Variants in SCHIP1 observed in about 807,000 individuals in gnomAD.
SCHIP1 encodes schwannomin interacting protein 1, also known as schwannomin-interacting protein 1.
SCHIP1 carries 8 observed loss-of-function variants against 29.7 expected under a neutral mutation model. The observed-to-expected ratio is 0.27, with a 90% CI of 0.16 to 0.49. SCHIP1 has a LOEUF of 0.49. Among genes scored for constraint, SCHIP1 ranks in the 20% least tolerant of loss-of-function variants. The probability of loss-of-function intolerance (pLI) is 0.99; values close to 1 mark genes in which losing one functional copy is unlikely to be tolerated. For synonymous variants in SCHIP1, 76 were observed against 94.9 expected (o/e 0.80, Z 1.16); for missense variants, 193 against 294.6 (o/e 0.66, Z 2.52).
the SCHIP1 span, among the ~76,000 whole-genome samples, chr3:159,442,355 C>A: frequency 1.1e-4 from 17 of 152,262 alleles, no homozygotes; most frequent in African/African-American, 4.1e-4. Context: ...CAGGAAGAGT[C>A]TGGTCAGGAT....
chr3:159,641,186 T>C, the SCHIP1 span, among the ~76,000 whole-genome samples: 1 of 152,100 alleles, frequency 6.6e-6, no homozygotes, highest in East Asian at 1.9e-4. Context: ...TAAAATGAAG[T>C]TCTTGTTTGG....
chr3:159,754,047 T>A, the SCHIP1 span, among the ~76,000 whole-genome samples: 276 of 144,808 alleles, frequency 1.9e-3, 3 homozygotes, highest in African/African-American at 6.4e-3. Flanking sequence ...CTGGAATGTC[T>A]GTTCCTCCAC....
At chr3:159,349,939 T>C in the SCHIP1 span, among the ~76,000 whole-genome samples, 21 of 152,286 alleles carry the variant, frequency 1.4e-4, no homozygotes, top group East Asian at 3.3e-3. Context: ...CCACCTTACC[T>C]CTTCAACTCT....
the SCHIP1 span, among the ~76,000 whole-genome samples, chr3:159,433,175 T>A: frequency 1.1e-4 from 16 of 152,200 alleles, no homozygotes; most frequent in Non-Finnish European, 1.8e-4. Context: ...TGAAAAAGCA[T>A]ATCTGGCACA....
At chr3:159,821,897 C>A in the SCHIP1 span, among the ~76,000 whole-genome samples, 1 of 152,178 alleles carries the variant, frequency 6.6e-6, no homozygotes. Flanking sequence ...ATCTGATCAC[C>A]AAGCCAGCTA....
chr3:159,543,102 CAT>C, the SCHIP1 span, among the ~76,000 whole-genome samples: 8 of 110,930 alleles, frequency 7.2e-5, no homozygotes, highest in South Asian at 2.4e-3. Flanking sequence ...TAAATACAGA[CAT>C]ATATACATGT....
At chr3:159,459,583 G>C in the SCHIP1 span, among the ~76,000 whole-genome samples, 2 of 152,062 alleles carry the variant, frequency 1.3e-5, no homozygotes, top group East Asian at 3.9e-4. Flanking sequence ...TGATGCGGCT[G>C]TATCAGACAG....
At chr3:159,288,788 A>G in the SCHIP1 span, among the ~76,000 whole-genome samples, 1 of 152,246 alleles carries the variant, frequency 6.6e-6, no homozygotes, top group East Asian at 1.9e-4. Flanking sequence ...CAGCTCATGA[A>G]TGAAGCAACC....
the SCHIP1 span, among the ~76,000 whole-genome samples, chr3:159,504,697 T>C: frequency 2.6e-5 from 4 of 152,228 alleles, no homozygotes; most frequent in Admixed American, 1.3e-4. Context: ...AGGACTAGCT[T>C]TATGTAGAGA....
the SCHIP1 span, among the ~76,000 whole-genome samples, chr3:159,592,426 G>T: frequency 1.3e-5 from 2 of 151,892 alleles, no homozygotes; most frequent in East Asian, 3.9e-4. Flanking sequence ...ACACCATAAG[G>T]CCTTTTCACA....
the SCHIP1 span, among the ~76,000 whole-genome samples, chr3:159,338,175 A>T: frequency 2.0e-5 from 3 of 152,222 alleles, no homozygotes. Context: ...GGAGTGGATC[A>T]GGCAATAGAA....
chr3:159,401,276 T>A, the SCHIP1 span: 1 of 858,530 alleles, frequency 1.2e-6, no homozygotes, highest in Non-Finnish European at 1.4e-6. Context: ...ATGCTGAGCT[T>A]GCATTTAGTG....
the SCHIP1 span, among the ~76,000 whole-genome samples, chr3:159,799,281 G>A: frequency 3.9e-5 from 6 of 152,180 alleles, no homozygotes; most frequent in African/African-American, 9.7e-5. Flanking sequence ...AGGCCACTAC[G>A]CAGCACAGTG....
At chr3:159,525,706 A>G in the SCHIP1 span, among the ~76,000 whole-genome samples, 10 of 152,194 alleles carry the variant, frequency 6.6e-5, no homozygotes, top group African/African-American at 2.4e-4. Flanking sequence ...GATTTAAAAT[A>G]TTCATGGACT....
the SCHIP1 span, among the ~76,000 whole-genome samples, chr3:159,517,511 G>A: frequency 6.6e-6 from 1 of 152,108 alleles, no homozygotes; most frequent in Non-Finnish European, 1.5e-5. Flanking sequence ...AAGAAAGTAA[G>A]TGTAGAAATG....
the SCHIP1 span, among the ~76,000 whole-genome samples, chr3:159,643,168 A>G: frequency 3.3e-5 from 5 of 152,106 alleles, no homozygotes; most frequent in African/African-American, 1.2e-4. Context: ...ATCAAATGAC[A>G]TGTCTGCTAC....
At chr3:159,387,108 C>T in the SCHIP1 span, 13 of 177,540 alleles carry the variant, frequency 7.3e-5, no homozygotes, top group South Asian at 1.5e-3. Context: ...TGGAGCATAC[C>T]AATCTTATTC....
chr3:159,853,712 T>C (rs940967664), intron 1 of SCHIP1, among the ~76,000 whole-genome samples: 5 of 152,232 alleles, frequency 3.3e-5, no homozygotes, highest in African/African-American at 1.2e-4. Context: ...AAAATTCTAT[T>C]ATGCATTTAA....
the SCHIP1 span, among the ~76,000 whole-genome samples, chr3:159,307,884 G>C: frequency 2.0e-5 from 3 of 152,018 alleles, no homozygotes; most frequent in African/African-American, 7.2e-5. Flanking sequence ...GATGGTTGTA[G>C]GTGTATAGGT....
Sources: allele counts gnomAD v4.1 joint callset (sites outside exome capture counted in the v4.1 genomes callset), GRCh38; gene constraint gnomAD v4.1.1; transcripts MANE v1.5; gene names NCBI Gene and HGNC (gene_info 2026-07-23, HGNC 2026-07-21).